Variants in RANBP2 observed in about 807,000 individuals in gnomAD.
RANBP2 encodes the protein RAN binding protein 2, also known as E3 SUMO-protein ligase RanBP2.
In RANBP2, 57 loss-of-function variants were observed where a neutral mutation model predicts 303.6. The ratio of observed to expected loss-of-function variants is 0.19; its 90% CI spans 0.15 to 0.23. RANBP2 has a LOEUF of 0.23. RANBP2 is among the 10% of genes least tolerant of loss of function. The probability of loss-of-function intolerance (pLI) is 1.00; values close to 1 mark genes in which losing one functional copy is unlikely to be tolerated. For synonymous variants in RANBP2, 1,167 were observed against 1,301.5 expected, an observed-to-expected ratio of 0.90 and a Z score of 2.23; for missense variants, 3,138 against 3,780.8, an observed-to-expected ratio of 0.83 and a Z score of 4.46.
At chr2:109,231,307 A>G in the RANBP2 span, among the ~76,000 whole-genome samples, 1 of 152,226 alleles carries the variant, frequency 6.6e-6, no homozygotes, top group African/African-American at 2.4e-5. Context: ...AGGTGAGCTA[A>G]TGCGATGACA....
At chr2:109,534,879 G>C in the RANBP2 span, among the ~76,000 whole-genome samples, 1 of 152,106 alleles carries the variant, frequency 6.6e-6, no homozygotes, top group Non-Finnish European at 1.5e-5. Context: ...ACTAGAGCTG[G>C]GTAATTTGGG....
the RANBP2 span, among the ~76,000 whole-genome samples, chr2:109,641,731 A>G: frequency 7.1e-6 from 1 of 140,338 alleles, no homozygotes; most frequent in Non-Finnish European, 1.5e-5. Context: ...TTTAATTTAC[A>G]GTTCTTGCTC....
chr2:109,642,509 G>A, the RANBP2 span, among the ~76,000 whole-genome samples: 1 of 152,026 alleles, frequency 6.6e-6, no homozygotes, highest in African/African-American at 2.4e-5. Context: ...CAGCACTTTG[G>A]GAGGCCGAGG....
the RANBP2 span, among the ~76,000 whole-genome samples, chr2:109,337,912 T>G: frequency 6.6e-6 from 1 of 151,844 alleles, no homozygotes; most frequent in Admixed American, 6.6e-5. Flanking sequence ...ATTTTTTTTT[T>G]GTAGAGATGG....
chr2:108,791,271 A>G, the RANBP2 span, among the ~76,000 whole-genome samples: 4 of 152,288 alleles, frequency 2.6e-5, no homozygotes, highest in South Asian at 6.2e-4. Context: ...CTGGAATTCT[A>G]GTTCTGCTCC....
chr2:109,675,004 C>T, the RANBP2 span, among the ~76,000 whole-genome samples: 1 of 152,158 alleles, frequency 6.6e-6, no homozygotes, highest in African/African-American at 2.4e-5. Flanking sequence ...GGGTTTCTCT[C>T]TGTCACCGAG....
At chr2:108,901,521 A>G in the RANBP2 span, among the ~76,000 whole-genome samples, 1,778 of 152,336 alleles carry the variant, frequency 0.012, 16 homozygotes, top group Non-Finnish European at 0.02. Context: ...AAAGAGATCA[A>G]TATGAAAAGA....
At chr2:108,955,982 T>C in the RANBP2 span, among the ~76,000 whole-genome samples, 2 of 152,166 alleles carry the variant, frequency 1.3e-5, no homozygotes, top group Admixed American at 1.3e-4. Context: ...TGAGCCGAGA[T>C]GGTGCCACTG....
the RANBP2 span, among the ~76,000 whole-genome samples, chr2:109,047,066 G>C: frequency 7.0e-6 from 1 of 142,148 alleles, no homozygotes; most frequent in African/African-American, 2.6e-5. Context: ...CCAGTGGGAA[G>C]TCCTCCCACC....
the RANBP2 span, among the ~76,000 whole-genome samples, chr2:108,829,262 G>C: frequency 6.6e-6 from 1 of 151,982 alleles, no homozygotes; most frequent in Non-Finnish European, 1.5e-5. Context: ...CAATATATAA[G>C]GAACTCCTTC....
chr2:109,086,592 G>T, the RANBP2 span, among the ~76,000 whole-genome samples: 1 of 152,194 alleles, frequency 6.6e-6, no homozygotes, highest in Admixed American at 6.5e-5. Context: ...CATCGAGTGA[G>T]TCTTCTGCAA....
At chr2:109,547,936 A>T in the RANBP2 span, among the ~76,000 whole-genome samples, 1 of 152,158 alleles carries the variant, frequency 6.6e-6, no homozygotes, top group Non-Finnish European at 1.5e-5. Flanking sequence ...CCCTTAGCAC[A>T]CATGTGCTGG....
chr2:108,891,286 CTG>C, the RANBP2 span, among the ~76,000 whole-genome samples: 2 of 152,204 alleles, frequency 1.3e-5, no homozygotes, highest in Admixed American at 6.5e-5. Context: ...TCTGGTGTAA[CTG>C]TTGCTTCTTC....
intron 6 of RANBP2, among the ~76,000 whole-genome samples, chr2:108,739,351 C>T (rs1381129507): frequency 6.6e-6 from 1 of 151,940 alleles, no homozygotes. Flanking sequence ...TGCAGTAAGC[C>T]AAGATTGTGC....
the RANBP2 span, among the ~76,000 whole-genome samples, chr2:108,902,967 A>G: frequency 6.6e-6 from 1 of 152,320 alleles, no homozygotes; most frequent in South Asian, 2.1e-4. Flanking sequence ...AAACGGTCCC[A>G]TTTGCAGATG....
At chr2:109,198,115 T>C in the RANBP2 span, among the ~76,000 whole-genome samples, 1 of 152,076 alleles carries the variant, frequency 6.6e-6, no homozygotes, top group South Asian at 2.1e-4. Context: ...ACATTTGAAG[T>C]CTCTCAGTAC....
At chr2:109,652,230 T>TG in the RANBP2 span, among the ~76,000 whole-genome samples, 11 of 151,900 alleles carry the variant, frequency 7.2e-5, no homozygotes, top group African/African-American at 2.4e-4. Flanking sequence ...TTTGTTTGTT[T>TG]TTTTTTTTTT....
At chr2:109,577,796 C>T in the RANBP2 span, among the ~76,000 whole-genome samples, 2 of 150,538 alleles carry the variant, frequency 1.3e-5, no homozygotes, top group South Asian at 4.2e-4. Flanking sequence ...GACTGCAGTA[C>T]CAGCTACACA....
At chr2:109,466,644 C>T in the RANBP2 span, among the ~76,000 whole-genome samples, 2 of 152,292 alleles carry the variant, frequency 1.3e-5, no homozygotes, top group East Asian at 3.9e-4. Flanking sequence ...TAAAAAGGCA[C>T]CACTAAGCCT....
Sources: gnomAD v4.1 joint callset for allele counts (sites outside exome capture counted in the v4.1 genomes callset) on GRCh38, gnomAD v4.1.1 for gene constraint, MANE v1.5 for transcripts, NCBI Gene and HGNC (gene_info 2026-07-23, HGNC 2026-07-21) for gene names.